MICU3: variants seen among roughly 807,000 people sequenced by gnomAD.
The protein encoded by MICU3 is mitochondrial calcium uptake 3.
A neutral mutation model predicts 66.5 loss-of-function variants in MICU3; 62 were observed. The observed-to-expected ratio is 0.93, with a 90% confidence interval of 0.76 to 1.15. The LOEUF is 1.15. Among genes scored for constraint, MICU3 ranks in the 50% most tolerant of loss-of-function variants. MICU3 has a pLI of 0.00. For missense variants in MICU3, 779 were observed against 664.4 expected (o/e 1.17, Z -1.90); for synonymous variants, 308 against 240.7 (o/e 1.28, Z -2.59).
In MICU3 at chr8:17,085,266, A is replaced by C. The variant is rs1483930814; in HGVS notation, c.725A>C (p.Asn242Thr). 1 of 1,611,528 alleles carries C rather than the reference A, an allele frequency of 6.2e-7. No homozygotes were observed. The change falls in exon 6 of 15, where the codon AAC becomes ACC. Residue 242 changes from asparagine (N) to threonine (T), a missense_variant. Asn to Thr is a moderately conservative substitution (Grantham distance 65). Transcript: ENST00000318063. ...CATGCAGGGTTCAGAATAGCTTTCA[A>C]CATGTTTGACACTGATGGCAATGAG... ...KPHAGFRIAFNMFDTDGNEMV... is the reference protein window; with the variant it reads ...KPHAGFRIAFTMFDTDGNEMV...
At chr8:17,066,684 A>G (rs993670194) in intron 2 of MICU3, among the ~76,000 whole-genome samples, 5 of 151,372 alleles carry the variant, frequency 3.3e-5, no homozygotes, top group Non-Finnish European at 2.9e-5. Flanking sequence ...CTGGGACTAC[A>G]GGCACATGCC....
At position 17,100,100 on chromosome 8, in the gene MICU3, C is replaced by G. The variant is rs527876098; in HGVS notation, c.984+1547C>G. The stretch of plus-strand genomic sequence containing the variant: ...TACAGCTTCCCAGAGCTAATTAATT[C>G]TGCACACCTCTTCCCAACTCAACAT... On this transcript the variant is annotated intron_variant, in intron 9 of 14. Transcript: ENST00000318063. Among the ~76,000 whole-genome samples the G allele has an allele frequency of 5.9e-5, 9 of 151,846 alleles. 1 individual carries two copies. The South Asian group carries it at 1.7e-3, about 28-fold the overall frequency.
At position 17,077,790 on chromosome 8, in the gene MICU3, A is replaced by T. The variant is rs1820603149; in HGVS notation, c.575A>T (p.Asn192Ile). Residue 192 changes from asparagine (N) to isoleucine (I), a missense_variant, in exon 4 of 15, where the codon AAT becomes ATT. By Grantham distance (149) the Asn-to-Ile change is moderately radical. Coordinates refer to ENST00000318063, the MANE Select transcript of MICU3 (RefSeq NM_181723.3). ...GTATAACTTCTGTCATAGGAATTAA[A>T]TCAAATGCTCGCAGAAACACCACCA... is the stretch of plus-strand genomic sequence containing the variant. ...TWKSLSKQEL[N>I]QMLAETPPVW... 1 of 1,610,540 alleles carries T rather than the reference A, an allele frequency of 6.2e-7. No homozygotes were observed. Among genetic ancestry groups the T allele is most frequent in the Non-Finnish European group, 8.5e-7 (1 of 1,177,624 alleles).
At chr8:17,128,879 A>G in the MICU3 span, among the ~76,000 whole-genome samples, 1 of 152,188 alleles carries the variant, frequency 6.6e-6, no homozygotes, top group East Asian at 1.9e-4. Flanking sequence ...AGAAGCACCA[A>G]AAATCTGCAT....
intron 9 of MICU3, among the ~76,000 whole-genome samples, chr8:17,100,831 G>T (rs914331344): frequency 6.6e-6 from 1 of 151,626 alleles, no homozygotes; most frequent in Non-Finnish European, 1.5e-5. Flanking sequence ...AATTCTTAGT[G>T]CAGTATGATG....
At chr8:17,071,826 A>C (rs79975890) in intron 3 of MICU3, among the ~76,000 whole-genome samples, 5,556 of 152,282 alleles carry the variant, frequency 0.036, 158 homozygotes, top group Non-Finnish European at 0.056. Flanking sequence ...TAATAGAAAC[A>C]AGAACTATTA....
At chr8:17,102,536 G>A (rs559876980) in intron 9 of MICU3, 1 of 151,972 alleles carries the variant, frequency 6.6e-6, no homozygotes, top group Non-Finnish European at 1.5e-5. Context: ...AGTGACCCAT[G>A]TCTTCTAATT....
At chr8:17,123,771 G>A (rs77059722), downstream of MICU3, among the ~76,000 whole-genome samples, 4,861 of 151,790 alleles carry the variant, frequency 0.032, 289 homozygotes, top group African/African-American at 0.11. Flanking sequence ...AAAGTAGGAG[G>A]TCCACTTATG....
At chr8:17,055,984 C>T (rs761961272) in intron 1 of MICU3, among the ~76,000 whole-genome samples, 1 of 152,154 alleles carries the variant, frequency 6.6e-6, no homozygotes, top group Non-Finnish European at 1.5e-5. Flanking sequence ...CACCTAACTG[C>T]CTGCCTGTAC....
Position 17,090,539 on chromosome 8 carries a change from A to G in MICU3, c.850-7A>G, listed in dbSNP as rs1192203490. 3.1e-6 allele frequency: 5 copies of G among 1,610,772 alleles called. No individual in the cohort carries two copies. The highest frequency in any genetic ancestry group is 2.2e-5 in the South Asian group (2 of 90,694). Reference sequence around the variant, plus strand: ...CACTTCATTTGGCCCTTTGTGCTCTATGTCAGCGTCTTCAACTTTATGGAT... The same window carrying G: ...CACTTCATTTGGCCCTTTGTGCTCTGTGTCAGCGTCTTCAACTTTATGGAT... On this transcript the variant is annotated splice_region_variant and splice_polypyrimidine_tract_variant and intron_variant, in intron 7 of 14. Coordinates refer to ENST00000318063, the MANE Select transcript of MICU3 (RefSeq NM_181723.3).
At chr8:17,125,993 G>A (rs1362255490), downstream of MICU3, among the ~76,000 whole-genome samples, 2 of 145,710 alleles carry the variant, frequency 1.4e-5, no homozygotes, top group African/African-American at 5.1e-5. Context: ...TTTTGCCACT[G>A]CACTTAGCCT....
intron 1 of MICU3, among the ~76,000 whole-genome samples, chr8:17,051,768 G>C (rs935005854): frequency 2.6e-5 from 4 of 152,154 alleles, no homozygotes; most frequent in Non-Finnish European, 5.9e-5. Context: ...GCATGGTAGA[G>C]AAGAGAGCCT....
chr8:17,085,215 C>G lies in MICU3; in HGVS notation c.695-21C>G, dbSNP rs746656722. The G allele has an allele frequency of 9.1e-6, 14 of 1,546,338 alleles. No individual in the cohort carries two copies. In the South Asian group the frequency reaches 1.7e-4, roughly 18 times the overall value. On this transcript the variant is annotated intron_variant, in intron 5 of 14. Coordinates refer to ENST00000318063, the MANE Select transcript of MICU3 (RefSeq NM_181723.3). ...ATACATTTTTCCATTTTGTGAATAC[C>G]TTCTCTGTTTTTTCTGGCAGAGCCA...
At chr8:17,123,948 T>TA (rs11366018), downstream of MICU3, among the ~76,000 whole-genome samples, 802 of 139,622 alleles carry the variant, frequency 5.7e-3, 3 homozygotes, top group African/African-American at 0.018. Flanking sequence ...CTAAAGTCTT[T>TA]AAAAAAAAAA....
intron 3 of MICU3, among the ~76,000 whole-genome samples, chr8:17,073,171 C>G (rs889251446): frequency 6.6e-6 from 1 of 152,134 alleles, no homozygotes; most frequent in African/African-American, 2.4e-5. Context: ...TATGAGAAAT[C>G]CCTCTTGTAG....
the MICU3 span, chr8:17,132,963 C>T: frequency 6.6e-6 from 1 of 152,182 alleles, no homozygotes; most frequent in South Asian, 2.1e-4. Context: ...CTGTTCACCC[C>T]TTCCTCCAGG....
intron 1 of MICU3, among the ~76,000 whole-genome samples, chr8:17,044,479 T>A (rs544828865): frequency 2.1e-4 from 32 of 150,516 alleles, no homozygotes; most frequent in African/African-American, 5.9e-4. Context: ...GAATTAAAAA[T>A]TTTTTTTTTG....
At chr8:17,125,183 C>A (rs987228793), downstream of MICU3, among the ~76,000 whole-genome samples, 1 of 151,092 alleles carries the variant, frequency 6.6e-6, no homozygotes, top group Non-Finnish European at 1.5e-5. Context: ...ATGTCTTTGT[C>A]TTTTTATTGT....
At chr8:17,109,802 T>C (rs1802039308) in intron 11 of MICU3, among the ~76,000 whole-genome samples, 1 of 152,164 alleles carries the variant, frequency 6.6e-6, no homozygotes, top group South Asian at 2.1e-4. Flanking sequence ...ATAATGTAGA[T>C]AGTGACCAGA....
Sources: allele counts gnomAD v4.1 joint callset (sites outside exome capture counted in the v4.1 genomes callset), GRCh38; gene constraint gnomAD v4.1.1; transcripts MANE v1.5; gene names NCBI Gene and HGNC (gene_info 2026-07-23, HGNC 2026-07-21).